DSCAM: variants seen among roughly 807,000 people sequenced by gnomAD.
DSCAM encodes cell adhesion molecule DSCAM.
DSCAM carries 47 observed loss-of-function variants against 217.7 expected under a neutral mutation model. That is an observed-to-expected ratio of 0.22 (90% CI 0.17 to 0.28). The LOEUF (loss-of-function observed/expected upper bound fraction) is 0.28. DSCAM is among the 10% of genes least tolerant of loss of function. The pLI is 1.00. For synonymous variants in DSCAM, 1,056 were observed against 1,015.3 expected (o/e 1.04, Z -0.76); for missense variants, 2,080 against 2,618.3 (o/e 0.79, Z 4.49).
intron 1 of DSCAM, among the ~76,000 whole-genome samples, chr21:40,740,704 G>A (rs984807325): frequency 3.3e-5 from 5 of 152,182 alleles, no homozygotes; most frequent in Admixed American, 1.3e-4. Context: ...TAGGCTTTGA[G>A]GTGGTAGACA....
chr21:40,696,226 G>A (rs2090593674), intron 2 of DSCAM, among the ~76,000 whole-genome samples: 1 of 152,152 alleles, frequency 6.6e-6, no homozygotes, highest in Non-Finnish European at 1.5e-5. Context: ...GCACTGTGGT[G>A]CTCTGAACCC....
intron 20 of DSCAM, among the ~76,000 whole-genome samples, chr21:40,105,982 A>G (rs1037698376): frequency 1.2e-4 from 18 of 152,212 alleles, no homozygotes; most frequent in African/African-American, 4.3e-4. Flanking sequence ...TAAGTGTATT[A>G]GCCCATTTTT....
chr21:40,174,455 C>T (rs898588720), intron 15 of DSCAM, among the ~76,000 whole-genome samples: 1 of 151,850 alleles, frequency 6.6e-6, no homozygotes, highest in Non-Finnish European at 1.5e-5. Context: ...GGTGGCCAGA[C>T]TTCATCAGAG....
chr21:40,178,800 C>T (rs570619065), intron 15 of DSCAM, 127 bp downstream of exon 15: 7 of 1,126,798 alleles, frequency 6.2e-6, no homozygotes, highest in East Asian at 5.2e-5. Context: ...CACAGAACTA[C>T]GGAGAGCACG....
At chr21:40,328,454 T>C (rs1172582125) in intron 8 of DSCAM, among the ~76,000 whole-genome samples, 1 of 152,156 alleles carries the variant, frequency 6.6e-6, no homozygotes, top group Non-Finnish European at 1.5e-5. Context: ...TAATTTATGA[T>C]GTCTCTAATG....
At chr21:40,604,652 T>G (rs1391646013) in intron 3 of DSCAM, among the ~76,000 whole-genome samples, 1 of 152,178 alleles carries the variant, frequency 6.6e-6, no homozygotes, top group East Asian at 1.9e-4. Context: ...CTTGTTGTCT[T>G]TGTGTTTCCC....
intron 11 of DSCAM, among the ~76,000 whole-genome samples, chr21:40,271,428 C>T (rs978454899): frequency 6.6e-6 from 1 of 152,170 alleles, no homozygotes; most frequent in Non-Finnish European, 1.5e-5. Context: ...ACGCTGAAAC[C>T]AGTGTTCCCG....
intron 3 of DSCAM, among the ~76,000 whole-genome samples, chr21:40,673,351 G>A (rs1452199418): frequency 1.3e-5 from 2 of 152,082 alleles, no homozygotes; most frequent in African/African-American, 2.4e-5. Context: ...CTACATATTA[G>A]ACTTTATAAA....
rs141074654 is a variant in DSCAM at position 40,509,068 on chromosome 21, A to G, written c.509-139823T>C. On this transcript the variant is annotated intron_variant, in intron 3 of 32. Coordinates refer to ENST00000400454, the MANE Select transcript of DSCAM (RefSeq NM_001389.5). ...ATGAGCTCCCTAATACCTAAAACAC[A>G]AAGTTATTGTTGTTTCCTCTTTGTA... is the stretch of plus-strand genomic sequence containing the variant. Among the ~76,000 whole-genome samples the G allele has an allele frequency of 1.5e-4, 23 of 152,106 alleles. No individual in the cohort carries two copies. In the East Asian group the frequency reaches 3.9e-3, roughly 26 times the overall value.
In DSCAM at chr21:40,637,206, AAT is replaced by A. The variant is rs1555874801; in HGVS notation, c.508+55602_508+55603del. ...ATATATAAATATAAATATATATATAAATATATATAAATATAAATATATATATA... is the reference window on the plus strand; with the variant it reads ...ATATATAAATATAAATATATATATAAATATATAAATATAAATATATATATA... On this transcript the variant is annotated intron_variant, in intron 3 of 32. Coordinates refer to ENST00000400454, the MANE Select transcript of DSCAM (RefSeq NM_001389.5). Among the ~76,000 whole-genome samples the A allele has an allele frequency of 2.4e-3, 20 of 8,338 alleles. 2 individuals carry two copies. Among genetic ancestry groups the A allele is most frequent in the Middle Eastern group, 0.1 (1 of 10 alleles). The allele number at this position is 8,338 out of a possible 152,430, so 5.5% of individuals were successfully genotyped here.
chr21:40,358,744 G>A (rs1411490188), intron 4 of DSCAM, among the ~76,000 whole-genome samples: 1 of 150,382 alleles, frequency 6.6e-6, no homozygotes, highest in African/African-American at 2.5e-5. Context: ...GGAGGTTGCA[G>A]TGAGCCAAGA....
chr21:40,400,375 A>G (rs1387111503), intron 3 of DSCAM, among the ~76,000 whole-genome samples: 3 of 152,232 alleles, frequency 2.0e-5, no homozygotes, highest in African/African-American at 7.2e-5. Flanking sequence ...TTTAACGTCT[A>G]CCCTAATAGA....
intron 3 of DSCAM, chr21:40,618,746 T>G (rs1486145714): frequency 6.6e-6 from 1 of 151,982 alleles, no homozygotes; most frequent in Non-Finnish European, 1.5e-5. Flanking sequence ...TCAGAGAGAT[T>G]GACTGGGAGA....
Position 40,016,596 on chromosome 21 carries a change from A to G in DSCAM, c.5687-3210T>C, listed in dbSNP as rs2088162557. On this transcript the variant is annotated intron_variant, in intron 32 of 32. Transcript: ENST00000400454. The surrounding 1 kb of genome is among the most constrained non-coding windows in gnomAD (Gnocchi z 4.3). ...TTCCTTATGTTACTGTATGCTAACA[A>G]TAATTAATTGAGCCTTCCTCATCCA... 6.6e-6 allele frequency among the ~76,000 whole-genome samples: 1 copy of G among 152,230 alleles called. No individual in the cohort carries two copies.
chr21:40,489,440 C>T (rs1338916433), intron 3 of DSCAM, among the ~76,000 whole-genome samples: 5 of 152,252 alleles, frequency 3.3e-5, no homozygotes, highest in Admixed American at 1.3e-4. Context: ...TATCAGCCTC[C>T]GTAATCACGT....
chr21:40,786,702 G>T (rs569201906), intron 1 of DSCAM, among the ~76,000 whole-genome samples: 1 of 152,156 alleles, frequency 6.6e-6, no homozygotes, highest in African/African-American at 2.4e-5. Flanking sequence ...CTTGGGATTC[G>T]TCAGAGTTCC....
chr21:40,584,741 G>A (rs2076931182), intron 3 of DSCAM, among the ~76,000 whole-genome samples: 1 of 152,092 alleles, frequency 6.6e-6, no homozygotes, highest in South Asian at 2.1e-4. Flanking sequence ...CTGTAGGTGG[G>A]AGCTATGAAC....
At chr21:40,700,429 T>C (rs2091898) in intron 2 of DSCAM, among the ~76,000 whole-genome samples, 33,480 of 152,028 alleles carry the variant, frequency 0.22, 5,269 homozygotes, top group African/African-American at 0.46. Context: ...TTCATCAATG[T>C]TTTTCTGTGT....
intron 27 of DSCAM, among the ~76,000 whole-genome samples, chr21:40,071,934 G>A (rs2089297326): frequency 6.6e-6 from 1 of 152,160 alleles, no homozygotes. Context: ...GGCCCTGCAG[G>A]GCTAAGAAAC....
Sources: allele counts gnomAD v4.1 joint callset (sites outside exome capture counted in the v4.1 genomes callset), GRCh38; gene constraint gnomAD v4.1.1; non-coding constraint Gnocchi (gnomAD v3.1); transcripts MANE v1.5; gene names NCBI Gene and HGNC (gene_info 2026-07-23, HGNC 2026-07-21).